Variants in SPTB observed in about 807,000 individuals in gnomAD.
SPTB encodes the protein spectrin beta, erythrocytic, also known as spectrin beta chain, erythrocytic.
SPTB carries 45 observed loss-of-function variants against 256.2 expected under a neutral mutation model. The observed-to-expected ratio is 0.18, with a 90% CI of 0.14 to 0.23. SPTB has a LOEUF of 0.23. Ranked by LOEUF, SPTB falls within the 10% of genes least tolerant of loss-of-function variation. The pLI, the probability that SPTB is intolerant of heterozygous loss-of-function variation, is 1.00. For synonymous variants in SPTB, 1,231 were observed against 1,243.1 expected (o/e 0.99, Z 0.21); for missense variants, 2,715 against 3,040.4 (o/e 0.89, Z 2.52).
Position 64,746,610 on chromosome 14 carries a change from G to A in SPTB, c.*2696C>T, listed in dbSNP as rs2081846091. On this transcript the variant is annotated 3_prime_UTR_variant, in exon 36 of 36. Transcript: ENST00000644917. This position sits in a 1 kb window ranked among gnomAD's most constrained non-coding sequence, Gnocchi z 4.9. ...CCGATAGGCAGGAAGGAGGAGGGAT[G>A]CGGAGGAGAGGCTGAGCCTTCCACG... 6.6e-6 allele frequency: 1 copy of A among 152,526 alleles called. No individual in the cohort carries two copies. Among genetic ancestry groups the A allele is most frequent in the Non-Finnish European group, 1.5e-5 (1 of 68,100 alleles). 9.4% of individuals were successfully genotyped at this position (152,526 alleles called of 1,614,324 possible). A position where few individuals can be genotyped will look rare whatever the true frequency, so the allele number is the denominator to read the frequency against.
chr14:64,775,053 C>T lies in SPTB; in HGVS notation c.4842+72G>A. The T allele has an allele frequency of 6.2e-7, 1 of 1,605,890 alleles. No homozygotes were observed. Among genetic ancestry groups the T allele is most frequent in the Non-Finnish European group, 8.5e-7 (1 of 1,174,320 alleles). ...TCACACAGTTGGACTCACAAGGCTC[C>T]CTACCGACAGCCAACCTCAACTCTT... On this transcript the variant is annotated intron_variant, in intron 23 of 35. Transcript: ENST00000644917. This position sits in a 1 kb window ranked among gnomAD's most constrained non-coding sequence, Gnocchi z 5.0.
At chr14:64,797,624 C>G in intron 10 of SPTB, 105 bp downstream of exon 10, 1 of 959,592 alleles carries the variant, frequency 1.0e-6, no homozygotes, top group Admixed American at 1.7e-5. Flanking sequence ...TTAATAACAT[C>G]AAAGAAAGTG....
intron 2 of SPTB, among the ~76,000 whole-genome samples, chr14:64,814,891 T>G (rs1321326263): frequency 6.6e-6 from 1 of 151,834 alleles, no homozygotes; most frequent in African/African-American, 2.4e-5. Flanking sequence ...AATCAAAAAG[T>G]TTTTTTTTAT....
intron 13 of SPTB, 75 bp downstream of exon 13, chr14:64,794,392 C>T: frequency 1.9e-6 from 3 of 1,581,412 alleles, no homozygotes; most frequent in East Asian, 2.2e-5. Context: ...GGAGATTTAT[C>T]CAAGTTGGGT....
chr14:64,821,809 C>T (rs2083291888), intron 2 of SPTB, among the ~76,000 whole-genome samples: 1 of 152,130 alleles, frequency 6.6e-6, no homozygotes, highest in South Asian at 2.1e-4. Flanking sequence ...AGATGAGACA[C>T]CGCAGCATTC....
In SPTB at chr14:64,786,034, C is replaced by T; in HGVS notation, c.3562-83G>A. The T allele has an allele frequency of 7.1e-7, 1 of 1,404,642 alleles. No homozygotes were observed. Among genetic ancestry groups the T allele is most frequent in the Non-Finnish European group, 1.0e-6 (1 of 1,000,078 alleles). The allele number at this position is 1,404,642 out of a possible 1,614,324, so 87.0% of individuals were successfully genotyped here. On this transcript the variant is annotated intron_variant, in intron 16 of 35. Transcript: ENST00000644917. The surrounding 1 kb of genome is among the most constrained non-coding windows in gnomAD (Gnocchi z 5.6). ...ACCTCCCAAGTGGGAGCACCACGTG[C>T]AGCCACACAGGCCACGGTATGAATG...
intron 1 of SPTB, among the ~76,000 whole-genome samples, chr14:64,829,823 C>T (rs12436545): frequency 0.084 from 12,721 of 152,218 alleles, 556 homozygotes; most frequent in African/African-American, 0.099. Context: ...TTCCCATGGT[C>T]CTAAGGCCCT....
intron 2 of SPTB, among the ~76,000 whole-genome samples, chr14:64,813,466 A>G (rs2083128328): frequency 6.6e-6 from 1 of 152,148 alleles, no homozygotes; most frequent in Non-Finnish European, 1.5e-5. Flanking sequence ...TCATGCCAGG[A>G]AGCCAAGAGC....
chr14:64,755,555 A>G (rs771096045), intron 32 of SPTB: 2 of 152,240 alleles, frequency 1.3e-5, no homozygotes, highest in African/African-American at 4.8e-5. Flanking sequence ...CTTTCGATCT[A>G]TAATGAGAAA....
intron 31 of SPTB, 120 bp from the exon 32 acceptor site, chr14:64,766,921 C>G: frequency 7.9e-7 from 1 of 1,270,104 alleles, no homozygotes; most frequent in African/African-American, 1.5e-5. Context: ...CCCCTCCAGT[C>G]AGCCGGCAGC....
chr14:64,804,286 C>A (rs1399152831), intron 3 of SPTB, among the ~76,000 whole-genome samples: 2 of 152,206 alleles, frequency 1.3e-5, no homozygotes, highest in Admixed American at 1.3e-4. Flanking sequence ...AGAGGCAGAA[C>A]TTCAGCATGG....
At chr14:64,784,224 C>A in intron 19 of SPTB, 23 bp downstream of exon 19, 1 of 1,613,970 alleles carries the variant, frequency 6.2e-7, no homozygotes, top group South Asian at 1.1e-5. Context: ...AGCACCCACC[C>A]GCCGCCCAAT....
In SPTB at chr14:64,816,874, A is replaced by G. The variant is rs998395830; in HGVS notation, c.148+6073T>C. 2.6e-5 allele frequency among the ~76,000 whole-genome samples: 4 copies of G among 152,208 alleles called. No individual in the cohort carries two copies. Among genetic ancestry groups the G allele is most frequent in the African/African-American group, 9.7e-5 (4 of 41,444 alleles). On this transcript the variant is annotated intron_variant, in intron 2 of 35. Transcript: ENST00000644917. This position sits in a 1 kb window ranked among gnomAD's most constrained non-coding sequence, Gnocchi z 4.2. Reference sequence around the variant, plus strand: ...GGTGCTGGCTTTTCCTGAGAGCCATAAACACAGACAAGGCCTGGGGTCAGA... The same window carrying G: ...GGTGCTGGCTTTTCCTGAGAGCCATGAACACAGACAAGGCCTGGGGTCAGA...
chr14:64,829,846 C>T (rs1237807241), intron 1 of SPTB, among the ~76,000 whole-genome samples: 1 of 152,174 alleles, frequency 6.6e-6, no homozygotes, highest in Non-Finnish European at 1.5e-5. Flanking sequence ...CCATTTTCTC[C>T]AAGATCATCT....
Position 64,866,186 on chromosome 14 carries a change from C to G in SPTB, c.-52+13606G>C, listed in dbSNP as rs1050738099. ...CTTCACTATGGCACCTAGTAATCCT[C>G]GAGATGGGGTGATGATCACTAGCAT... On this transcript the variant is annotated intron_variant, in intron 1 of 35. Coordinates refer to ENST00000644917, the MANE Select transcript of SPTB (RefSeq NM_001355436.2). The surrounding 1 kb of genome is among the most constrained non-coding windows in gnomAD (Gnocchi z 4.6). Among the ~76,000 whole-genome samples, 1 of 152,186 alleles carries G rather than the reference C, an allele frequency of 6.6e-6. No homozygotes were observed. The highest frequency in any genetic ancestry group is 1.5e-5 in the Non-Finnish European group (1 of 68,032).
At chr14:64,856,355 G>A (rs2083872292) in intron 1 of SPTB, among the ~76,000 whole-genome samples, 1 of 152,160 alleles carries the variant, frequency 6.6e-6, no homozygotes, top group Admixed American at 6.5e-5. Context: ...TCCTTCTGTA[G>A]GGAGAGAGGA....
Position 64,852,417 on chromosome 14 carries a change from C to T in SPTB, c.-52+27375G>A, listed in dbSNP as rs956527385. Among the ~76,000 whole-genome samples, 5 of 152,094 alleles carry T rather than the reference C, an allele frequency of 3.3e-5. No individual in the cohort carries two copies. Among genetic ancestry groups the T allele is most frequent in the African/African-American group, 9.7e-5 (4 of 41,412 alleles). On this transcript the variant is annotated intron_variant, in intron 1 of 35. Coordinates refer to ENST00000644917, the MANE Select transcript of SPTB (RefSeq NM_001355436.2). The surrounding 1 kb of genome is among the most constrained non-coding windows in gnomAD (Gnocchi z 4.2). The stretch of plus-strand genomic sequence containing the variant: ...AGCAGTGGGGAGTCAGTGAAGGGTG[C>T]TAAATGGAACAGCATGGCTAGGCTT...
chr14:64,791,706 ACC>A lies in SPTB; in HGVS notation c.2804+11_2804+12del. The A allele has an allele frequency of 6.2e-7, 1 of 1,613,560 alleles. No homozygotes were observed. The highest frequency in any genetic ancestry group is 8.5e-7 in the Non-Finnish European group (1 of 1,179,938). On this transcript the variant is annotated intron_variant, in intron 15 of 35. Coordinates refer to ENST00000644917, the MANE Select transcript of SPTB (RefSeq NM_001355436.2). ...AGACAATGCCCCCGCCCCATGCCCT[ACC>A]CACACCCCACCTGGTGTTCAGATGG...
chr14:64,755,684 G>A (rs2082008465), intron 32 of SPTB: 2 of 152,152 alleles, frequency 1.3e-5, no homozygotes, highest in Admixed American at 6.6e-5. Context: ...TCACACCCCA[G>A]AGACCATCCA....
Sources: gnomAD v4.1 joint callset for allele counts (sites outside exome capture counted in the v4.1 genomes callset) on GRCh38, gnomAD v4.1.1 for gene constraint, Gnocchi (gnomAD v3.1) non-coding constraint, MANE v1.5 for transcripts, NCBI Gene and HGNC (gene_info 2026-07-23, HGNC 2026-07-21) for gene names.